Variants in TRAPPC9 observed in about 807,000 individuals in gnomAD.
TRAPPC9 encodes the protein IKK2 binding protein.
Under a neutral mutation model 124.0 loss-of-function variants are expected in TRAPPC9, and 83 were observed. The ratio of observed to expected loss-of-function variants is 0.67; its 90% CI spans 0.56 to 0.80. The LOEUF (loss-of-function observed/expected upper bound fraction) is 0.80. Among genes scored for constraint, TRAPPC9 ranks in the 30% least tolerant of loss-of-function variants. The pLI is 0.00. For synonymous variants in TRAPPC9, 638 were observed against 617.5 expected (o/e 1.03, Z -0.49); for missense variants, 1,302 against 1,508.3 (o/e 0.86, Z 2.27).
chr8:140,102,479 A>ACT (rs2060597115), intron 17 of TRAPPC9, among the ~76,000 whole-genome samples: 1 of 149,282 alleles, frequency 6.7e-6, no homozygotes, highest in African/African-American at 2.6e-5. Flanking sequence ...CCCACCACAC[A>ACT]CACACACACA....
chr8:140,240,959 C>T (rs2063843535), intron 16 of TRAPPC9, among the ~76,000 whole-genome samples: 1 of 152,218 alleles, frequency 6.6e-6, no homozygotes, highest in Non-Finnish European at 1.5e-5. Flanking sequence ...AGGCCTTCCA[C>T]AGCCTACCTG....
intron 18 of TRAPPC9, among the ~76,000 whole-genome samples, chr8:140,007,363 T>C (rs756640199): frequency 6.6e-6 from 1 of 152,226 alleles, no homozygotes; most frequent in African/African-American, 2.4e-5. Context: ...GGCCTCAAAA[T>C]ACAACGTTTA....
At chr8:139,786,491 C>T (rs922862770) in intron 21 of TRAPPC9, among the ~76,000 whole-genome samples, 3 of 151,748 alleles carry the variant, frequency 2.0e-5, no homozygotes, top group South Asian at 2.1e-4. Context: ...CTTTGTAGAA[C>T]AGTTTGGAAG....
chr8:140,279,497 A>G (rs187963605), intron 14 of TRAPPC9, among the ~76,000 whole-genome samples: 84 of 152,360 alleles, frequency 5.5e-4, no homozygotes, highest in African/African-American at 1.9e-3. Flanking sequence ...ATTTTTTAAA[A>G]TAAGAAATAA....
intron 21 of TRAPPC9, among the ~76,000 whole-genome samples, chr8:139,854,447 G>A (rs917900254): frequency 6.6e-6 from 1 of 152,222 alleles, no homozygotes; most frequent in African/African-American, 2.4e-5. Context: ...CTTGGTGTCC[G>A]TGTCTGTGCC....
rs1030958044 is a variant in TRAPPC9, at chr8:140,104,595, T to C, written c.2557-80516A>G. 4.6e-5 allele frequency among the ~76,000 whole-genome samples: 7 copies of C among 152,112 alleles called. No homozygotes were observed. The highest frequency in any genetic ancestry group is 1.0e-4 in the Non-Finnish European group (7 of 68,030). On this transcript the variant is annotated intron_variant, in intron 17 of 22. Transcript: ENST00000438773. The surrounding 1 kb of genome is among the most constrained non-coding windows in gnomAD (Gnocchi z 4.0). ...CGATATTTTCAGCCACAGTCTGAAA[T>C]GCAGCAGCTCTGAGGCAGGGAGATG...
intron 17 of TRAPPC9, chr8:140,095,868 T>C (rs1197833507): frequency 6.6e-6 from 1 of 151,958 alleles, no homozygotes; most frequent in Non-Finnish European, 1.5e-5. Context: ...GGAAGAGCGG[T>C]GCCTCTCCGA....
intron 11 of TRAPPC9, among the ~76,000 whole-genome samples, chr8:140,294,769 G>A (rs190355623): frequency 7.9e-5 from 12 of 151,706 alleles, no homozygotes; most frequent in East Asian, 1.9e-4. Context: ...CACCATGCCC[G>A]GCTAAATTTG....
chr8:140,287,719 C>A lies in TRAPPC9; in HGVS notation c.1870G>T (p.Gly624Ter), dbSNP rs772315237. ...RVENMGLLTS[G>*]VEFESLPAAL... ...GCAGGGAGAGACTCGAACTCCACTC[C>A]GCTGGTGAGCAGCCCCTAAACCAAG... is the stretch of plus-strand genomic sequence containing the variant. The change falls in exon 13 of 23, where the codon GGA becomes TGA. Residue 624 changes from glycine (G) to a stop codon, truncating the protein, a stop_gained. Transcript: ENST00000438773. LOFTEE classifies it high-confidence loss of function. The A allele has an allele frequency of 6.2e-7, 1 of 1,614,160 alleles. No homozygotes were observed. The highest frequency in any genetic ancestry group is 2.2e-5 in the East Asian group (1 of 44,876).
At chr8:139,835,290 C>T (rs189132725) in intron 21 of TRAPPC9, among the ~76,000 whole-genome samples, 5 of 152,332 alleles carry the variant, frequency 3.3e-5, no homozygotes, top group Admixed American at 1.3e-4. Context: ...ATGTGTTTTA[C>T]ATACTGCGTT....
intron 21 of TRAPPC9, among the ~76,000 whole-genome samples, chr8:139,837,620 G>A (rs1826444908): frequency 6.6e-6 from 1 of 152,198 alleles, no homozygotes; most frequent in Admixed American, 6.5e-5. Flanking sequence ...CCTGAAGGCA[G>A]GCCTGTCTCC....
intron 15 of TRAPPC9, among the ~76,000 whole-genome samples, chr8:140,271,467 A>G (rs1269324150): frequency 1.3e-5 from 2 of 152,192 alleles, no homozygotes; most frequent in Non-Finnish European, 2.9e-5. Flanking sequence ...CACGCGTCCA[A>G]CAAAGAGCTC....
chr8:140,404,862 G>A (rs1213939551), intron 6 of TRAPPC9, among the ~76,000 whole-genome samples: 3 of 151,930 alleles, frequency 2.0e-5, no homozygotes, highest in Non-Finnish European at 2.9e-5. Context: ...GTGTGCGGGT[G>A]TGAGCATGCG....
intron 3 of TRAPPC9, among the ~76,000 whole-genome samples, chr8:140,437,027 G>A (rs1041604691): frequency 1.3e-5 from 2 of 151,986 alleles, no homozygotes; most frequent in African/African-American, 4.8e-5. Flanking sequence ...GCAGTGGTGC[G>A]ATCGTGGCTC....
chr8:140,432,651 T>C (rs1274983332), intron 4 of TRAPPC9, among the ~76,000 whole-genome samples: 1 of 152,026 alleles, frequency 6.6e-6, no homozygotes, highest in East Asian at 1.9e-4. Context: ...GGCGGGCAGA[T>C]CATGAAGTCA....
chr8:139,977,484 G>A (rs574109373), intron 19 of TRAPPC9, among the ~76,000 whole-genome samples: 45 of 151,802 alleles, frequency 3.0e-4, no homozygotes, highest in Admixed American at 6.5e-4. Context: ...CGGGCGTGGT[G>A]GCGGGCGCCT....
At chr8:139,951,115 T>C (rs1042481486) in intron 19 of TRAPPC9, among the ~76,000 whole-genome samples, 1 of 152,082 alleles carries the variant, frequency 6.6e-6, no homozygotes, top group Non-Finnish European at 1.5e-5. Flanking sequence ...CATTTCTTCC[T>C]CCTAAGAAGT....
At chr8:140,355,802 A>G (rs1201723529) in intron 9 of TRAPPC9, among the ~76,000 whole-genome samples, 1 of 152,222 alleles carries the variant, frequency 6.6e-6, no homozygotes, top group Admixed American at 6.5e-5. Flanking sequence ...TGTCGTTTCA[A>G]TAAGAGTTCA....
intron 17 of TRAPPC9, among the ~76,000 whole-genome samples, chr8:140,054,377 CA>C (rs1395482580): frequency 6.6e-6 from 1 of 151,676 alleles, no homozygotes; most frequent in Non-Finnish European, 1.5e-5. Flanking sequence ...CAAACAAAAA[CA>C]AAAAAACAAC....
Sources: gnomAD v4.1 joint callset for allele counts (sites outside exome capture counted in the v4.1 genomes callset) on GRCh38, gnomAD v4.1.1 for gene constraint, Gnocchi (gnomAD v3.1) non-coding constraint, MANE v1.5 for transcripts, NCBI Gene and HGNC (gene_info 2026-07-23, HGNC 2026-07-21) for gene names.